Variants in LTBP1 observed in about 807,000 individuals in gnomAD.
LTBP1 encodes latent-transforming growth factor beta-binding protein 1.
A neutral mutation model predicts 207.6 loss-of-function variants in LTBP1; 129 were observed. The observed-to-expected ratio is 0.62, with a 90% CI of 0.54 to 0.72. The LOEUF (loss-of-function observed/expected upper bound fraction) is 0.72. Among genes scored for constraint, LTBP1 ranks in the 30% least tolerant of loss-of-function variants. The probability of loss-of-function intolerance (pLI) is 0.00; values close to 1 mark genes in which losing one functional copy is unlikely to be tolerated. For synonymous variants in LTBP1, 963 were observed against 833.7 expected (o/e 1.16, Z -2.67); for missense variants, 2,281 against 2,217.2 (o/e 1.03, Z -0.58).
chr2:33,297,343 G>A (rs1048595810), intron 20 of LTBP1, among the ~76,000 whole-genome samples: 24 of 151,320 alleles, frequency 1.6e-4, no homozygotes, highest in Non-Finnish European at 4.4e-5. Flanking sequence ...CCTTTTTTTT[G>A]CAGATGAGAA....
intron 9 of LTBP1, among the ~76,000 whole-genome samples, chr2:33,225,582 A>C (rs2091387108): frequency 6.6e-6 from 1 of 152,166 alleles, no homozygotes; most frequent in Non-Finnish European, 1.5e-5. Flanking sequence ...CAAGAACAGC[A>C]AGGGAAAGAC....
At chr2:32,964,596 T>A (rs1679654427) in intron 2 of LTBP1, among the ~76,000 whole-genome samples, 1 of 152,174 alleles carries the variant, frequency 6.6e-6, no homozygotes, top group Non-Finnish European at 1.5e-5. Flanking sequence ...ATATGTTAAC[T>A]TTTGATGAAG....
chr2:33,278,351 A>T (rs1357915621), intron 18 of LTBP1, among the ~76,000 whole-genome samples: 2 of 152,154 alleles, frequency 1.3e-5, no homozygotes, highest in Non-Finnish European at 2.9e-5. Flanking sequence ...CCCCATGAAA[A>T]GTCTTGAAAA....
At chr2:32,949,288 A>G (rs1676749182) in intron 2 of LTBP1, among the ~76,000 whole-genome samples, 1 of 152,236 alleles carries the variant, frequency 6.6e-6, no homozygotes, top group Non-Finnish European at 1.5e-5. Flanking sequence ...TAATTTGAAC[A>G]TGATACCAAC....
At chr2:33,107,160 C>G (rs1200037536) in intron 3 of LTBP1, among the ~76,000 whole-genome samples, 1 of 152,218 alleles carries the variant, frequency 6.6e-6, no homozygotes, top group African/African-American at 2.4e-5. Flanking sequence ...GAGAACACGT[C>G]AGGGTGCCCT....
chr2:33,055,579 T>A (rs1274380316), intron 3 of LTBP1, among the ~76,000 whole-genome samples: 1 of 152,174 alleles, frequency 6.6e-6, no homozygotes, highest in African/African-American at 2.4e-5. Context: ...ATACCAGGTG[T>A]CTCCAAACTC....
At chr2:33,305,032 G>T (rs1479343127) in intron 22 of LTBP1, among the ~76,000 whole-genome samples, 1 of 152,198 alleles carries the variant, frequency 6.6e-6, no homozygotes, top group Non-Finnish European at 1.5e-5. Context: ...TACAATAAAT[G>T]GCTGGGTGCA....
intron 3 of LTBP1, among the ~76,000 whole-genome samples, chr2:33,032,107 A>G (rs1406735749): frequency 1.3e-5 from 2 of 152,208 alleles, no homozygotes; most frequent in Non-Finnish European, 2.9e-5. Context: ...AATTATGTGT[A>G]GTCTAATGTT....
In LTBP1 at chr2:33,364,356, G is replaced by A. The variant is rs766040820; in HGVS notation, c.4540G>A (p.Glu1514Lys). Residue 1514 changes from glutamate to lysine, a missense_variant and splice_region_variant, in exon 30 of 34, where the codon GAA becomes AAA. Glu to Lys is a moderately conservative substitution (Grantham distance 56, BLOSUM62 1). Coordinates refer to ENST00000404816, the MANE Select transcript of LTBP1 (RefSeq NM_206943.4). The part of the protein sequence containing the change: ...KRCIRPAESN[E>K]QIEETDVYQD... ...ATGTATACGACCGGCTGAGTCAAAC[G>A]GTATGTTTCCAGGAGATGCAAACCT... 37 of 1,611,822 alleles carry A rather than the reference G, an allele frequency of 2.3e-5. No individual in the cohort carries two copies. Among genetic ancestry groups the A allele is most frequent in the Non-Finnish European group, 2.8e-5 (33 of 1,179,408 alleles).
At chr2:33,290,824 T>G (rs1430008609) in intron 19 of LTBP1, among the ~76,000 whole-genome samples, 1 of 152,134 alleles carries the variant, frequency 6.6e-6, no homozygotes, top group Admixed American at 6.5e-5. Context: ...CAGAGGTACC[T>G]GGGGGACATC....
chr2:33,258,678 A>G (rs761215972), intron 12 of LTBP1, among the ~76,000 whole-genome samples: 5 of 152,216 alleles, frequency 3.3e-5, no homozygotes, highest in Non-Finnish European at 7.3e-5. Context: ...TTTTGCCTCA[A>G]GACCTTCTTC....
chr2:33,264,255 CA>C (rs33981203), intron 15 of LTBP1, among the ~76,000 whole-genome samples: 10,696 of 91,174 alleles, frequency 0.12, 858 homozygotes, highest in African/African-American at 0.31. Flanking sequence ...GACTCTGTCT[CA>C]AAAAAAAAAA....
intron 3 of LTBP1, among the ~76,000 whole-genome samples, chr2:33,075,591 G>C (rs1297719186): frequency 3.9e-5 from 6 of 152,160 alleles, no homozygotes; most frequent in Non-Finnish European, 7.3e-5. Flanking sequence ...TTCTTGGCAA[G>C]ATGCAAGAAT....
At chr2:33,209,620 G>C (rs2149256168) in intron 7 of LTBP1, among the ~76,000 whole-genome samples, 1 of 152,146 alleles carries the variant, frequency 6.6e-6, no homozygotes, top group East Asian at 1.9e-4. Context: ...GAGAAAACCT[G>C]AATATTTTTA....
chr2:33,197,476 G>C (rs1315704549), intron 7 of LTBP1, among the ~76,000 whole-genome samples: 1 of 152,144 alleles, frequency 6.6e-6, no homozygotes, highest in Non-Finnish European at 1.5e-5. Context: ...CATCTCTGAG[G>C]AGAGGCCAAG....
At chr2:32,958,652 A>G (rs1458571073) in intron 2 of LTBP1, among the ~76,000 whole-genome samples, 1 of 152,200 alleles carries the variant, frequency 6.6e-6, no homozygotes, top group Non-Finnish European at 1.5e-5. Context: ...TGATTTTGCG[A>G]TGTTGCTAAT....
chr2:33,243,407 A>G (rs540682334), intron 9 of LTBP1, among the ~76,000 whole-genome samples: 1 of 152,366 alleles, frequency 6.6e-6, no homozygotes, highest in East Asian at 1.9e-4. Context: ...TGTGAAGGCC[A>G]GAATTTTTAT....
chr2:33,062,525 A>G (rs1174659188), intron 3 of LTBP1, among the ~76,000 whole-genome samples: 1 of 151,994 alleles, frequency 6.6e-6, no homozygotes, highest in Non-Finnish European at 1.5e-5. Flanking sequence ...ACTGATATCT[A>G]GTTGTTCAGG....
intron 2 of LTBP1, among the ~76,000 whole-genome samples, chr2:32,955,500 AT>A (rs1677934324): frequency 6.6e-6 from 1 of 151,696 alleles, no homozygotes; most frequent in Admixed American, 6.6e-5. Flanking sequence ...TAATTACAAA[AT>A]TTTTAAAGTT....
Sources: allele counts gnomAD v4.1 joint callset (sites outside exome capture counted in the v4.1 genomes callset), GRCh38; gene constraint gnomAD v4.1.1; transcripts MANE v1.5; gene names NCBI Gene and HGNC (gene_info 2026-07-23, HGNC 2026-07-21).